CCDC141: variants seen among roughly 807,000 people sequenced by gnomAD.
CCDC141 encodes coiled-coil domain-containing protein 141.
Under a neutral mutation model 181.0 loss-of-function variants are expected in CCDC141, and 168 were observed. The observed-to-expected ratio is 0.93, with a 90% CI of 0.82 to 1.05. CCDC141 has a LOEUF of 1.05. Among genes scored for constraint, CCDC141 ranks in the 50% least tolerant of loss-of-function variants. The probability of loss-of-function intolerance (pLI) is 0.00; values close to 1 mark genes in which losing one functional copy is unlikely to be tolerated. For synonymous variants in CCDC141, 666 were observed against 642.3 expected, an observed-to-expected ratio of 1.04 and a Z score of -0.56; for missense variants, 1,902 against 1,788.5, an observed-to-expected ratio of 1.06 and a Z score of -1.14.
At chr2:178,817,377 T>C in the CCDC141 span, 1 of 389,042 alleles carries the variant, frequency 2.6e-6, no homozygotes, top group South Asian at 2.0e-5. Flanking sequence ...AATATAAGAA[T>C]TTAGCTGAAA....
intron 11 of CCDC141, among the ~76,000 whole-genome samples, chr2:178,881,888 C>CTG (rs1303557268): frequency 9.1e-6 from 1 of 109,884 alleles, no homozygotes; most frequent in African/African-American, 3.9e-5. Flanking sequence ...GAGTGAGACC[C>CTG]TGTCTCTCTC....
At chr2:178,897,671 T>C (rs1687478206) in intron 8 of CCDC141, among the ~76,000 whole-genome samples, 1 of 152,198 alleles carries the variant, frequency 6.6e-6, no homozygotes, top group Admixed American at 6.6e-5. Flanking sequence ...CTGAAGCAAG[T>C]TTATTTGTCA....
chr2:178,876,921 G>A (rs1686380406), intron 12 of CCDC141: 1 of 152,130 alleles, frequency 6.6e-6, no homozygotes, highest in Non-Finnish European at 1.5e-5. Context: ...GACAGAAGCT[G>A]CAATAAAAAT....
chr2:178,984,729 A>G (rs1249652586), intron 2 of CCDC141, among the ~76,000 whole-genome samples: 15 of 150,902 alleles, frequency 9.9e-5, no homozygotes, highest in Admixed American at 2.6e-4. Flanking sequence ...AGGCCATTAC[A>G]TAATGGTAAA....
At chr2:178,899,667 A>T (rs1303907142) in intron 8 of CCDC141, among the ~76,000 whole-genome samples, 1 of 152,012 alleles carries the variant, frequency 6.6e-6, no homozygotes, top group Non-Finnish European at 1.5e-5. Flanking sequence ...ACCTTAATAA[A>T]CTGTGTCCCA....
At position 178,865,860 on chromosome 2, in the gene CCDC141, C is replaced by T. The variant is rs771867268; in HGVS notation, c.2631G>A (p.Glu877=). The part of the protein sequence containing the change: ...NLQQQLELLE[E]DSMKWRAKAE... ...CTTTGGCACGCCACTTCATGCTGTC[C>T]TCCTCAAGGAGCTCCAGCTGCTGCT... The change falls in exon 17 of 24, where the codon GAG becomes GAA. Residue 877 remains glutamate, a synonymous_variant. Transcript: ENST00000443758. 117 of 1,605,056 alleles carry T rather than the reference C, an allele frequency of 7.3e-5. No individual in the cohort carries two copies. Among genetic ancestry groups the T allele is most frequent in the Non-Finnish European group, 9.6e-5 (113 of 1,175,404 alleles).
At chr2:178,961,900 G>A (rs1465690543) in intron 4 of CCDC141, among the ~76,000 whole-genome samples, 1 of 152,170 alleles carries the variant, frequency 6.6e-6, no homozygotes, top group Non-Finnish European at 1.5e-5. Flanking sequence ...AAATGTGGTG[G>A]CCAGGTGCCC....
At position 178,834,358 on chromosome 2, in the gene CCDC141, T is replaced by C. The variant is rs1188383049; in HGVS notation, c.4408A>G (p.Lys1470Glu). The change falls in exon 24 of 24, where the codon AAG (lysine) becomes GAG (glutamate). Residue 1470 changes from lysine (K) to glutamate (E), a missense_variant. Coordinates refer to ENST00000443758, the MANE Select transcript of CCDC141 (RefSeq NM_173648.4). ...KETRHSVFIP[K>E]VCKADAGLYV... The stretch of plus-strand genomic sequence containing the variant: ...AGGCCTGCGTCTGCCTTGCATACCT[T>C]TGGAATGAACACCGAATGCCTTGTC... 6 of 1,536,174 alleles carry C rather than the reference T, an allele frequency of 3.9e-6. No individual in the cohort carries two copies. The highest frequency in any genetic ancestry group is 5.2e-6 in the Non-Finnish European group (6 of 1,146,892).
At chr2:178,819,985 T>C in the CCDC141 span, among the ~76,000 whole-genome samples, 1 of 152,106 alleles carries the variant, frequency 6.6e-6, no homozygotes, top group Non-Finnish European at 1.5e-5. Flanking sequence ...TTAAAGGACA[T>C]AAATAAATAA....
At chr2:178,961,823 C>G (rs1690415888) in intron 4 of CCDC141, among the ~76,000 whole-genome samples, 1 of 152,170 alleles carries the variant, frequency 6.6e-6, no homozygotes, top group Non-Finnish European at 1.5e-5. Context: ...GTTCTACATT[C>G]TGAGGTGATT....
intron 6 of CCDC141, among the ~76,000 whole-genome samples, chr2:178,939,449 A>T (rs1175864834): frequency 6.6e-6 from 1 of 152,136 alleles, no homozygotes; most frequent in Non-Finnish European, 1.5e-5. Context: ...AGAACTTTTT[A>T]GGTGTGATGC....
At chr2:178,902,949 C>T (rs1178959179) in intron 8 of CCDC141, among the ~76,000 whole-genome samples, 1 of 148,562 alleles carries the variant, frequency 6.7e-6, no homozygotes, top group Non-Finnish European at 1.5e-5. Context: ...GGGCGAAGGA[C>T]ATGAACAGAC....
At chr2:179,040,199 A>G (rs974396910) in intron 2 of CCDC141, among the ~76,000 whole-genome samples, 16 of 152,204 alleles carry the variant, frequency 1.1e-4, no homozygotes, top group African/African-American at 3.9e-4. Flanking sequence ...CACAACAAAT[A>G]TGAAGCTTCG....
At chr2:178,859,414 A>C (rs1201134864) in intron 17 of CCDC141, among the ~76,000 whole-genome samples, 13 of 152,174 alleles carry the variant, frequency 8.5e-5, no homozygotes, top group Admixed American at 8.5e-4. Flanking sequence ...CACTGTTCAC[A>C]CAGCTGTTTC....
chr2:178,986,308 G>T (rs1337878772), intron 2 of CCDC141, among the ~76,000 whole-genome samples: 1 of 152,040 alleles, frequency 6.6e-6, no homozygotes, highest in Non-Finnish European at 1.5e-5. Flanking sequence ...GTATTGATGG[G>T]ACATATTTCA....
chr2:178,902,365 T>C (rs541866048), intron 8 of CCDC141, among the ~76,000 whole-genome samples: 1 of 152,126 alleles, frequency 6.6e-6, no homozygotes, highest in South Asian at 2.1e-4. Context: ...ATACTACAAG[T>C]CTACAGTAAC....
At chr2:178,963,676 G>C (rs62177347) in intron 4 of CCDC141, among the ~76,000 whole-genome samples, 1 of 150,288 alleles carries the variant, frequency 6.7e-6, no homozygotes, top group Non-Finnish European at 1.5e-5. Context: ...TTTTTTTTTG[G>C]AAAGCTGGAG....
chr2:178,978,802 T>C, intron 2 of CCDC141, 127 bp from the exon 3 acceptor site: 1 of 703,556 alleles, frequency 1.4e-6, no homozygotes, highest in Non-Finnish European at 2.2e-6. Flanking sequence ...AAACACAAAC[T>C]GTTATGCAAG....
intron 2 of CCDC141, among the ~76,000 whole-genome samples, chr2:178,982,900 C>G (rs542817309): frequency 6.6e-6 from 1 of 152,330 alleles, no homozygotes; most frequent in African/African-American, 2.4e-5. Flanking sequence ...GGGCTCCCAC[C>G]ATTGCCCAGG....
Sources: gnomAD v4.1 joint callset for allele counts (sites outside exome capture counted in the v4.1 genomes callset) on GRCh38, gnomAD v4.1.1 for gene constraint, MANE v1.5 for transcripts, NCBI Gene and HGNC (gene_info 2026-07-23, HGNC 2026-07-21) for gene names.